Variants in TPRG1 observed in about 807,000 individuals in gnomAD.
TPRG1 encodes tumor protein p63 regulated 1, also known as tumor protein p63-regulated gene 1 protein.
A neutral mutation model predicts 29.3 loss-of-function variants in TPRG1; 29 were observed. The ratio of observed to expected loss-of-function variants is 0.99; its 90% CI spans 0.74 to 1.35. TPRG1 has a LOEUF of 1.35. Ranked by LOEUF, TPRG1 falls within the 40% of genes most tolerant of loss-of-function variation. TPRG1 has a pLI of 0.00. For synonymous variants in TPRG1, 130 were observed against 116.8 expected (o/e 1.11, Z -0.73); for missense variants, 327 against 335.0 (o/e 0.98, Z 0.19).
chr3:189,234,282 T>C (rs1739111581), intron 3 of TPRG1, among the ~76,000 whole-genome samples: 1 of 152,142 alleles, frequency 6.6e-6, no homozygotes. Context: ...AACCTATGGA[T>C]GGGTAATTTA....
intron 4 of TPRG1, among the ~76,000 whole-genome samples, chr3:189,304,115 T>TG (rs528064295): frequency 1.2e-3 from 132 of 113,282 alleles, no homozygotes; most frequent in Non-Finnish European, 1.6e-3. Flanking sequence ...GGTTAACTCT[T>TG]GTTTTTTTTT....
chr3:189,080,880 A>T (rs1424113403), intron 4 of TPRG1, among the ~76,000 whole-genome samples: 1 of 151,752 alleles, frequency 6.6e-6, no homozygotes, highest in African/African-American at 2.4e-5. Context: ...TGAAGGAAGA[A>T]TGTTTGGCAG....
intron 4 of TPRG1, among the ~76,000 whole-genome samples, chr3:189,056,036 CCTT>C (rs1560417896): frequency 0.11 from 4,270 of 37,240 alleles, 302 homozygotes; most frequent in South Asian, 0.23. Context: ...TCCCTCCCTT[CCTT>C]CCTTCCTTCC....
At chr3:189,213,840 T>A (rs973145196) in intron 2 of TPRG1, among the ~76,000 whole-genome samples, 1 of 152,200 alleles carries the variant, frequency 6.6e-6, no homozygotes, top group Non-Finnish European at 1.5e-5. Context: ...AATCTTCCCA[T>A]ATTAACACAA....
At chr3:189,154,281 A>T (rs1726353510) in intron 5 of TPRG1, among the ~76,000 whole-genome samples, 1 of 152,220 alleles carries the variant, frequency 6.6e-6, no homozygotes, top group African/African-American at 2.4e-5. Context: ...GATTATAAAA[A>T]CTGAGGCTCA....
intron 1 of TPRG1, among the ~76,000 whole-genome samples, chr3:189,180,519 A>C (rs1205740384): frequency 6.6e-6 from 1 of 152,126 alleles, no homozygotes; most frequent in Non-Finnish European, 1.5e-5. Flanking sequence ...GGCCCCATCC[A>C]TGTCCAAAAT....
At chr3:189,208,444 C>A (rs1734748243) in intron 2 of TPRG1, among the ~76,000 whole-genome samples, 1 of 152,118 alleles carries the variant, frequency 6.6e-6, no homozygotes, top group Non-Finnish European at 1.5e-5. Flanking sequence ...TATTTCAACT[C>A]ATTCTCATAA....
intron 4 of TPRG1, among the ~76,000 whole-genome samples, chr3:189,056,772 AC>A (rs1206555193): frequency 6.6e-6 from 1 of 152,180 alleles, no homozygotes; most frequent in Admixed American, 6.5e-5. Context: ...AATCCATGAT[AC>A]TGCAGCAGGG....
rs147354901 is a variant in TPRG1 at position 189,253,861 on chromosome 3, G to A, written c.479+14952G>A. Among the ~76,000 whole-genome samples, 35 of 152,290 alleles carry A rather than the reference G, an allele frequency of 2.3e-4. No homozygotes were observed. In the East Asian group the frequency reaches 5.6e-3, roughly 24 times the overall value. ...TTTCTCTAATGACCAGTGAAAATGA[G>A]CTTTTTTTCATATGTTTGTTGGCCG... On this transcript the variant is annotated intron_variant, in intron 4 of 5. Coordinates refer to ENST00000345063, the MANE Select transcript of TPRG1 (RefSeq NM_198485.4).
intron 1 of TPRG1, among the ~76,000 whole-genome samples, chr3:189,108,539 T>TC (rs886743939): frequency 1.2e-3 from 184 of 152,022 alleles, no homozygotes; most frequent in African/African-American, 4.2e-3. Flanking sequence ...CGTGTTTTTT[T>TC]TTTTTTCGCC....
intron 1 of TPRG1, among the ~76,000 whole-genome samples, chr3:189,184,725 G>T (rs1730685970): frequency 6.6e-6 from 1 of 152,200 alleles, no homozygotes; most frequent in Non-Finnish European, 1.5e-5. Context: ...GTATCCTGCA[G>T]TTGGCAATGT....
intron 4 of TPRG1, among the ~76,000 whole-genome samples, chr3:189,287,446 G>GGAGT (rs1718251527): frequency 6.7e-6 from 1 of 149,348 alleles, no homozygotes; most frequent in African/African-American, 2.5e-5. Context: ...TGCCCAGGCT[G>GGAGT]GAGTGCAGTG....
In TPRG1 at chr3:189,084,975, T is replaced by A. The variant is rs138526945; in HGVS notation, c.-462-42082T>A. Among the ~76,000 whole-genome samples, 521 of 152,326 alleles carry A rather than the reference T, an allele frequency of 3.4e-3. 8 individuals are homozygous for A. Among genetic ancestry groups the A allele is most frequent in the East Asian group, 0.017 (87 of 5,188 alleles). On this transcript the variant is annotated intron_variant, in intron 4 of 10. Transcript: ENST00000433971. ...TGTTAAATTACAGTAACAGACAATATGTGCACATGCTTTACCAAGAATAGT... is the reference window on the plus strand; with the variant it reads ...TGTTAAATTACAGTAACAGACAATAAGTGCACATGCTTTACCAAGAATAGT...
At chr3:189,108,083 C>T (rs1339613187) in intron 1 of TPRG1, among the ~76,000 whole-genome samples, 1 of 152,086 alleles carries the variant, frequency 6.6e-6, no homozygotes, top group Non-Finnish European at 1.5e-5. Flanking sequence ...AACTATATGC[C>T]CTCAGGGATA....
chr3:189,117,782 C>G (rs1041017516), intron 1 of TPRG1, among the ~76,000 whole-genome samples: 1 of 152,184 alleles, frequency 6.6e-6, no homozygotes, highest in African/African-American at 2.4e-5. Flanking sequence ...TTGCCTTCTG[C>G]CATGTTTGTA....
At chr3:189,134,976 G>T (rs1723568982) in intron 3 of TPRG1, among the ~76,000 whole-genome samples, 1 of 152,142 alleles carries the variant, frequency 6.6e-6, no homozygotes. Context: ...CAGCCCAACA[G>T]AAAAATAATG....
In TPRG1 at chr3:189,159,840, A is replaced by ATGTG. The variant is rs57781182; in HGVS notation, c.-10+8993_-10+8996dup. Among the ~76,000 whole-genome samples the ATGTG allele has an allele frequency of 6.3e-3, 869 of 138,574 alleles. 12 individuals carry two copies. The highest frequency in any genetic ancestry group is 0.02 in the African/African-American group (754 of 38,292). 90.9% of individuals were successfully genotyped at this position (138,574 alleles called of 152,430 possible). ...TAATGCTTTCATGGAGTGTTTGTGTATGTGTGTGTGTGTGTGTGTGTGTGT... is the reference window on the plus strand; with the variant it reads ...TAATGCTTTCATGGAGTGTTTGTGTATGTGTGTGTGTGTGTGTGTGTGTGTGTGT... On this transcript the variant is annotated intron_variant, in intron 5 of 6. Transcript: ENST00000412373.
At chr3:189,218,165 T>C (rs1736363035) in intron 3 of TPRG1, among the ~76,000 whole-genome samples, 1 of 152,066 alleles carries the variant, frequency 6.6e-6, no homozygotes, top group Admixed American at 6.5e-5. Flanking sequence ...CAGGCTGGAG[T>C]GCAGTGGCGC....
chr3:189,165,268 C>T lies in TPRG1; in HGVS notation c.-10+14396C>T, dbSNP rs142976958. ...TTACCACACCCTCAACTTTGCCTGC[C>T]GCCCAGTGTTCCAGACACACAGGTT... On this transcript the variant is annotated intron_variant, in intron 5 of 6. Transcript: ENST00000412373. Among the ~76,000 whole-genome samples, 1,066 of 151,894 alleles carry T rather than the reference C, an allele frequency of 7.0e-3. 15 individuals carry two copies. The highest frequency in any genetic ancestry group is 0.025 in the African/African-American group (1,036 of 41,440).
Sources: gnomAD v4.1 joint callset for allele counts (sites outside exome capture counted in the v4.1 genomes callset) on GRCh38, gnomAD v4.1.1 for gene constraint, MANE v1.5 for transcripts, NCBI Gene and HGNC (gene_info 2026-07-23, HGNC 2026-07-21) for gene names.